XPNPEP2: variants seen among roughly 807,000 people sequenced by gnomAD.
The protein encoded by XPNPEP2 is X-prolyl aminopeptidase 2.
XPNPEP2 carries 64 observed loss-of-function variants against 59.8 expected under a neutral mutation model. The ratio of observed to expected loss-of-function variants is 1.07; its 90% CI spans 0.87 to 1.32. The LOEUF (loss-of-function observed/expected upper bound fraction) is 1.32, where lower values mean the gene tolerates loss of function less well. Among genes scored for constraint, XPNPEP2 ranks in the 40% most tolerant of loss-of-function variants. XPNPEP2 has a pLI of 0.00. For synonymous variants in XPNPEP2, 235 were observed against 210.0 expected (o/e 1.12, Z -1.03); for missense variants, 575 against 546.8 (o/e 1.05, Z -0.51).
chrX:129,754,381 G>A, intron 11 of XPNPEP2, 91 bp from the exon 12 acceptor site: 1 of 807,523 alleles, frequency 1.2e-6, no homozygotes, highest in Non-Finnish European at 1.7e-6. Flanking sequence ...TCCACATCCT[G>A]GAGCCGCTAT....
At chrX:129,753,039 C>A in intron 10 of XPNPEP2, 120 bp from the exon 11 acceptor site, 1 of 551,614 alleles carries the variant, frequency 1.8e-6, no homozygotes, top group Non-Finnish European at 3.1e-6. Context: ...TGGCAAATCT[C>A]ACGTCTGCTG....
intron 9 of XPNPEP2, 90 bp downstream of exon 9, chrX:129,751,916 C>A (rs1926427259): frequency 6.2e-6 from 6 of 962,464 alleles, no homozygotes; most frequent in Middle Eastern, 5.9e-4. Flanking sequence ...AATATACAGC[C>A]CTCTGGCTGC....
rs1426310054 is a variant in XPNPEP2, at chrX:129,744,060, G to A, written c.223G>A (p.Asp75Asn). Residue 75 changes from aspartate to asparagine, a missense_variant, in exon 3 of 21, where the codon GAT becomes AAT. Coordinates refer to ENST00000371106, the MANE Select transcript of XPNPEP2 (RefSeq NM_003399.6). ...NLSAYIIPGT[D>N]AHMNEYIGQH... The stretch of plus-strand genomic sequence containing the variant: ...CTCAGCCTACATCATCCCAGGCACA[G>A]ATGCTCACATGGTAAGAGACAGCTT... 13 of 1,210,378 alleles carry A rather than the reference G, an allele frequency of 1.1e-5. No homozygotes were observed. Among genetic ancestry groups the A allele is most frequent in the Non-Finnish European group, 1.5e-5 (13 of 894,299 alleles).
rs1926652565 is a variant in XPNPEP2 at position 129,761,283 on chromosome X, G to A, written c.1603+7G>A. On this transcript the variant is annotated splice_region_variant and intron_variant, in intron 17 of 20. Coordinates refer to ENST00000371106, the MANE Select transcript of XPNPEP2 (RefSeq NM_003399.6). ...TTCCTGTGTGTGCATGAGTGTAGGT[G>A]TCTCCTCAGCACTCCCCAGGCCACC... The A allele has an allele frequency of 8.4e-7, 1 of 1,193,962 alleles. No homozygotes were observed. The highest frequency in any genetic ancestry group is 3.0e-5 in the East Asian group (1 of 33,767).
chrX:129,762,032 A>G lies in XPNPEP2; in HGVS notation c.1630A>G (p.Ile544Val). 8.3e-7 allele frequency: 1 copy of G among 1,211,606 alleles called. No individual in the cohort carries two copies. Among genetic ancestry groups the G allele is most frequent in the East Asian group, 3.0e-5 (1 of 33,832 alleles). ...EWPVGFQSNN[I>V]AMAKGMFTSI... ...GCCAGTGGGATTCCAGTCCAACAAC[A>G]TCGCTATGGCCAAGGGCATGTTCAC... Residue 544 changes from isoleucine to valine, a missense_variant, in exon 18 of 21, where the codon ATC (isoleucine) becomes GTC (valine). Physicochemically the swap from Ile to Val is conservative, Grantham distance 29. Transcript: ENST00000371106.
chrX:129,750,668 C>T (rs1926375367), intron 8 of XPNPEP2, 99 bp downstream of exon 8: 1 of 693,482 alleles, frequency 1.4e-6, no homozygotes, highest in Non-Finnish European at 2.1e-6. Context: ...CCCCAAATAA[C>T]CATGTGCCCA....
At chrX:129,753,890 C>A (rs1926467709) in intron 11 of XPNPEP2, among the ~76,000 whole-genome samples, 1 of 111,600 alleles carries the variant, frequency 9.0e-6, no homozygotes, top group South Asian at 3.7e-4. Flanking sequence ...AATCTTACAG[C>A]ATATGGTTGT....
intron 11 of XPNPEP2, 91 bp downstream of exon 11, chrX:129,753,339 C>A: frequency 1.1e-6 from 1 of 893,341 alleles, no homozygotes; most frequent in Non-Finnish European, 1.6e-6. Flanking sequence ...CTGAAGAAGA[C>A]CCTCAATGAA....
rs1244401713 is a variant in XPNPEP2 at position 129,743,904 on chromosome X, C to G, written c.124-57C>G. On this transcript the variant is annotated intron_variant, in intron 2 of 20. Transcript: ENST00000371106. ...GCCAGGGGCCCAGATGTCATTTTCT[C>G]TAAGCAACGTGTGTATCTGTTTGTT... The G allele has an allele frequency of 1.6e-5, 17 of 1,093,396 alleles. No individual in the cohort carries two copies. The South Asian group carries it at 1.9e-4, about 12-fold the overall frequency. 90.1% of individuals were successfully genotyped at this position (1,093,396 alleles called of 1,213,427 possible). A position where few individuals can be genotyped will look rare whatever the true frequency, so the allele number is the denominator to read the frequency against.
At chrX:129,755,489 G>A in intron 13 of XPNPEP2, 118 bp downstream of exon 13, 1 of 665,006 alleles carries the variant, frequency 1.5e-6, no homozygotes, top group Non-Finnish European at 2.3e-6. Context: ...AAGGTCCGAG[G>A]CCCCTAGCCC....
intron 1 of XPNPEP2, among the ~76,000 whole-genome samples, chrX:129,741,176 G>GGA (rs1353826921): frequency 9.7e-6 from 1 of 102,891 alleles, no homozygotes; most frequent in African/African-American, 3.6e-5. Flanking sequence ...GAATATTGGG[G>GGA]GGGGGTCACT....
intron 1 of XPNPEP2, among the ~76,000 whole-genome samples, chrX:129,741,224 G>C (rs1298265642): frequency 9.1e-6 from 1 of 110,171 alleles, no homozygotes; most frequent in Non-Finnish European, 1.9e-5. Context: ...GCCCAAACTA[G>C]AAACTAGATC....
At chrX:129,740,189 T>C (rs1400990687) in intron 1 of XPNPEP2, among the ~76,000 whole-genome samples, 1 of 113,078 alleles carries the variant, frequency 8.8e-6, no homozygotes, top group Admixed American at 9.3e-5. Context: ...CAGGGATCTG[T>C]TTCTACAGAA....
At position 129,752,214 on chromosome X, in the gene XPNPEP2, G is replaced by A; in HGVS notation, c.886G>A (p.Gly296Ser). ...TLSYLNSSCT[G>S]PMCVQIEDYS... Reference sequence around the variant, plus strand: ...GAGCTATCTGAACTCCAGTTGCACAGGCCCCATGTGTGTGCAAATCGAGGA... The same window carrying A: ...GAGCTATCTGAACTCCAGTTGCACAAGCCCCATGTGTGTGCAAATCGAGGA... The change falls in exon 10 of 21, where the codon GGC becomes AGC. Residue 296 changes from glycine to serine, a missense_variant. By Grantham distance (56) the Gly-to-Ser change is moderately conservative (BLOSUM62 0). Transcript: ENST00000371106. 8.3e-7 allele frequency: 1 copy of A among 1,211,408 alleles called. No homozygotes were observed. The highest frequency in any genetic ancestry group is 1.1e-6 in the Non-Finnish European group (1 of 895,270).
intron 14 of XPNPEP2, among the ~76,000 whole-genome samples, chrX:129,757,147 GT>G (rs1221050488): frequency 9.6e-6 from 1 of 104,219 alleles, no homozygotes; most frequent in Non-Finnish European, 2.0e-5. Flanking sequence ...TGGCCAGGCT[GT>G]TCTCAAACTC....
rs1237794420 is a variant in XPNPEP2, at chrX:129,739,205, G to A, written c.-9G>A. 1 of 1,206,944 alleles carries A rather than the reference G, an allele frequency of 8.3e-7. No individual in the cohort carries two copies. The highest frequency in any genetic ancestry group is 2.2e-5 in the Admixed American group (1 of 45,737). ...CTCCATCCACCCAGCGCCGGCATCT[G>A]GAGACCCTATGGCCCGGGCTCACTG... is the stretch of plus-strand genomic sequence containing the variant. On this transcript the variant is annotated 5_prime_UTR_variant, in exon 1 of 21. Coordinates refer to ENST00000371106, the MANE Select transcript of XPNPEP2 (RefSeq NM_003399.6).
rs781772206 is a variant in XPNPEP2 at position 129,745,205 on chromosome X, C to T, written c.237C>T (p.Asn79=). Residue 79 remains asparagine (N), a splice_region_variant and synonymous_variant, in exon 4 of 21, where the codon AAC becomes AAT. Coordinates refer to ENST00000371106, the MANE Select transcript of XPNPEP2 (RefSeq NM_003399.6). ...YIIPGTDAHM[N]EYIGQHDERR... Reference sequence around the variant, plus strand: ...TGATGGTGTTGTTGATTTCCTAGAACGAGTACATCGGCCAACATGACGAGA... The same window carrying T: ...TGATGGTGTTGTTGATTTCCTAGAATGAGTACATCGGCCAACATGACGAGA... 1.1e-5 allele frequency: 13 copies of T among 1,209,350 alleles called. No homozygotes were observed. Among genetic ancestry groups the T allele is most frequent in the Admixed American group, 8.8e-5 (4 of 45,694 alleles).
At chrX:129,751,179 A>G (rs1771604) in intron 8 of XPNPEP2, among the ~76,000 whole-genome samples, 43,700 of 96,335 alleles carry the variant, frequency 0.45, 9,795 homozygotes, top group African/African-American at 0.8. Context: ...TAATCTTTGG[A>G]GGCCAAAGGA....
intron 1 of XPNPEP2, among the ~76,000 whole-genome samples, chrX:129,739,586 G>A (rs1926137160): frequency 8.9e-6 from 1 of 112,485 alleles, no homozygotes; most frequent in African/African-American, 3.2e-5. Context: ...GACTTCCAGG[G>A]ATCTGTAGCC....
Sources: gnomAD v4.1 joint callset for allele counts (sites outside exome capture counted in the v4.1 genomes callset) on GRCh38, gnomAD v4.1.1 for gene constraint, MANE v1.5 for transcripts, NCBI Gene and HGNC (gene_info 2026-07-23, HGNC 2026-07-21) for gene names.